LGSN: variants seen among roughly 807,000 people sequenced by gnomAD.
LGSN encodes the protein lengsin.
In LGSN, 21 loss-of-function variants were observed where a neutral mutation model predicts 19.5. The observed-to-expected ratio is 1.07, with a 90% CI of 0.76 to 1.55. LGSN has a LOEUF of 1.55. LGSN is among the 40% of genes most tolerant of loss of function. The pLI, the probability that LGSN is intolerant of heterozygous loss-of-function variation, is 0.00. For missense variants in LGSN, 673 were observed against 608.5 expected, an observed-to-expected ratio of 1.11 and a Z score of -1.12; for synonymous variants, 257 against 215.6, an observed-to-expected ratio of 1.19 and a Z score of -1.68.
chr6:63,319,468 G>C (rs1474949913), intron 1 of LGSN, among the ~76,000 whole-genome samples: 1 of 152,086 alleles, frequency 6.6e-6, no homozygotes, highest in Admixed American at 6.6e-5. Flanking sequence ...CCTATAAGTG[G>C]CTATCATTAT....
At chr6:63,515,557 A>C in the LGSN span, among the ~76,000 whole-genome samples, 2 of 152,178 alleles carry the variant, frequency 1.3e-5, no homozygotes, top group African/African-American at 4.8e-5. Context: ...AAATTTACAG[A>C]AGTTATTTAA....
intron 1 of LGSN, among the ~76,000 whole-genome samples, chr6:63,305,673 G>T (rs1711895): frequency 0.011 from 1,638 of 152,258 alleles, 16 homozygotes; most frequent in African/African-American, 0.037. Flanking sequence ...CTCCAGAGTC[G>T]CTCTGAACCT....
the LGSN span, among the ~76,000 whole-genome samples, chr6:63,374,856 C>G: frequency 6.6e-6 from 1 of 152,134 alleles, no homozygotes; most frequent in African/African-American, 2.4e-5. Context: ...ATGTGCTACT[C>G]CTGAACATCT....
chr6:63,359,380 A>T, the LGSN span, among the ~76,000 whole-genome samples: 2 of 152,080 alleles, frequency 1.3e-5, no homozygotes, highest in African/African-American at 4.8e-5. Flanking sequence ...GTCTTTTTCT[A>T]TTGATTGGAA....
the LGSN span, among the ~76,000 whole-genome samples, chr6:63,412,836 GGAAGA>G: frequency 1.7e-5 from 2 of 120,170 alleles, no homozygotes; most frequent in African/African-American, 8.6e-5. Context: ...AGGAAAGGAA[GGAAGA>G]AAGGAAGGAA....
chr6:63,359,661 T>C, the LGSN span, among the ~76,000 whole-genome samples: 10 of 152,368 alleles, frequency 6.6e-5, no homozygotes, highest in South Asian at 1.5e-3. Context: ...TTTGTATTTC[T>C]GTGGGATCGA....
the LGSN span, among the ~76,000 whole-genome samples, chr6:63,364,072 A>G: frequency 6.6e-6 from 1 of 152,226 alleles, no homozygotes; most frequent in Non-Finnish European, 1.5e-5. Context: ...AAATTCACAC[A>G]TAACAATATT....
chr6:63,285,717 G>T lies in LGSN; in HGVS notation c.200C>A (p.Pro67His). Residue 67 changes from proline to histidine, a missense_variant, in exon 3 of 4, where the codon CCT becomes CAT. Coordinates refer to ENST00000370657, the MANE Select transcript of LGSN (RefSeq NM_016571.3). ...GTGTTTCATTCTAGAAGAGAGTTGA[G>T]GTGGGGTCAAAATTTGACTGCTGTC... The part of the protein sequence containing the change: ...MRDSSQILTP[P>H]QLSSRMKHIR... 3 of 1,613,956 alleles carry T rather than the reference G, an allele frequency of 1.9e-6. No individual in the cohort carries two copies. Among genetic ancestry groups the T allele is most frequent in the Non-Finnish European group, 2.5e-6 (3 of 1,179,936 alleles).
the LGSN span, among the ~76,000 whole-genome samples, chr6:63,526,692 C>T: frequency 6.6e-6 from 1 of 150,986 alleles, no homozygotes; most frequent in African/African-American, 2.4e-5. Flanking sequence ...CCTGTAGTCT[C>T]AGCTACTCCG....
the LGSN span, among the ~76,000 whole-genome samples, chr6:63,352,846 C>A: frequency 2.6e-5 from 4 of 152,022 alleles, no homozygotes; most frequent in South Asian, 8.3e-4. Context: ...GGGAACCATG[C>A]AAACAGCTGG....
At chr6:63,379,801 G>A in the LGSN span, among the ~76,000 whole-genome samples, 21 of 152,120 alleles carry the variant, frequency 1.4e-4, no homozygotes, top group East Asian at 3.1e-3. Context: ...CTTGTAAAAT[G>A]TTGCTGTAGT....
At chr6:63,395,251 A>T in the LGSN span, 1 of 152,276 alleles carries the variant, frequency 6.6e-6, no homozygotes. Flanking sequence ...ATATACTTAT[A>T]TAAAATTAAT....
chr6:63,497,272 A>G, the LGSN span, among the ~76,000 whole-genome samples: 80,927 of 151,612 alleles, frequency 0.53, 23,428 homozygotes, highest in African/African-American at 0.77. Flanking sequence ...ATTAGGGCTG[A>G]GTGCAGTAGC....
the LGSN span, among the ~76,000 whole-genome samples, chr6:63,418,390 G>A: frequency 2.5e-3 from 376 of 152,088 alleles, no homozygotes; most frequent in Non-Finnish European, 4.3e-3. Context: ...GTGAAACCCC[G>A]TCTCTACTAA....
At chr6:63,562,231 C>A in the LGSN span, among the ~76,000 whole-genome samples, 135 of 135,724 alleles carry the variant, frequency 9.9e-4, 2 homozygotes, top group East Asian at 4.3e-4. Flanking sequence ...CAGAGTTTTG[C>A]TCTTGTTTCC....
At chr6:63,487,276 T>G in the LGSN span, among the ~76,000 whole-genome samples, 1 of 152,154 alleles carries the variant, frequency 6.6e-6, no homozygotes, top group Non-Finnish European at 1.5e-5. Context: ...GGCCTGTCTT[T>G]ATTATCTTGA....
intron 3 of LGSN, among the ~76,000 whole-genome samples, chr6:63,281,743 C>T (rs1323095335): frequency 6.6e-6 from 1 of 152,180 alleles, no homozygotes; most frequent in Non-Finnish European, 1.5e-5. Context: ...GCACACAGCA[C>T]ATTTGTCCTA....
chr6:63,309,212 AC>A (rs1266533754), intron 1 of LGSN, among the ~76,000 whole-genome samples: 1 of 152,174 alleles, frequency 6.6e-6, no homozygotes, highest in African/African-American at 2.4e-5. Context: ...CAGGTAGATC[AC>A]CTGAGGTCAG....
chr6:63,418,255 C>T, the LGSN span, among the ~76,000 whole-genome samples: 1 of 151,924 alleles, frequency 6.6e-6, no homozygotes. Flanking sequence ...AACTAAAAAC[C>T]CTGAATATTA....
Sources: allele counts gnomAD v4.1 joint callset (sites outside exome capture counted in the v4.1 genomes callset), GRCh38; gene constraint gnomAD v4.1.1; transcripts MANE v1.5; gene names NCBI Gene and HGNC (gene_info 2026-07-23, HGNC 2026-07-21).